The following TBC1D22A variants were observed in gnomAD, a reference collection of about 807,000 sequenced individuals.
TBC1D22A encodes putative GTPase activator.
A neutral mutation model predicts 60.2 loss-of-function variants in TBC1D22A; 38 were observed. That is an observed-to-expected ratio of 0.63 (90% CI 0.49 to 0.83). The LOEUF (loss-of-function observed/expected upper bound fraction) is 0.83. TBC1D22A is among the 40% of genes least tolerant of loss of function. The pLI, the probability that TBC1D22A is intolerant of heterozygous loss-of-function variation, is 0.00. For synonymous variants in TBC1D22A, 302 were observed against 281.7 expected (o/e 1.07, Z -0.72); for missense variants, 628 against 701.0 (o/e 0.90, Z 1.18).
At chr22:47,060,750 G>A (rs1048588190) in intron 11 of TBC1D22A, among the ~76,000 whole-genome samples, 3 of 152,176 alleles carry the variant, frequency 2.0e-5, no homozygotes, top group Admixed American at 6.5e-5. Flanking sequence ...TACATAGGAG[G>A]AAAATGCTGC....
At chr22:46,792,339 A>G (rs976150075) in intron 1 of TBC1D22A, among the ~76,000 whole-genome samples, 181 bp from the exon 2 acceptor site, 2 of 151,990 alleles carry the variant, frequency 1.3e-5, no homozygotes, top group Non-Finnish European at 2.9e-5. Context: ...GGTGCCACTC[A>G]TCCCTTCTGA....
At chr22:46,971,021 C>T (rs1014851356) in intron 8 of TBC1D22A, among the ~76,000 whole-genome samples, 1 of 152,188 alleles carries the variant, frequency 6.6e-6, no homozygotes, top group Non-Finnish European at 1.5e-5. Context: ...GTGGGGGATG[C>T]TTTCTCTGGC....
Position 47,074,181 on chromosome 22 carries a change from A to G in TBC1D22A, c.1329+36983A>G, listed in dbSNP as rs184240371. On this transcript the variant is annotated intron_variant, in intron 11 of 12. Transcript: ENST00000337137. ...TGACTCTTGTTTTTACTCCAAGGCA[A>G]TGAAGCAATGATGTGGACGATGCGT... Among the ~76,000 whole-genome samples, 5 of 152,360 alleles carry G rather than the reference A, an allele frequency of 3.3e-5. No individual in the cohort carries two copies. In the East Asian group the frequency reaches 9.6e-4, roughly 29 times the overall value.
At chr22:46,968,310 G>A (rs9615431) in intron 8 of TBC1D22A, among the ~76,000 whole-genome samples, 8,506 of 152,314 alleles carry the variant, frequency 0.056, 342 homozygotes, top group Non-Finnish European at 0.088. Flanking sequence ...GCCAGGCTCT[G>A]CCACTTCCTA....
At chr22:47,089,986 C>T (rs1276485031) in intron 11 of TBC1D22A, among the ~76,000 whole-genome samples, 1 of 152,180 alleles carries the variant, frequency 6.6e-6, no homozygotes, top group Non-Finnish European at 1.5e-5. Context: ...GGGATGTGAA[C>T]AGTCCGGAAC....
intron 4 of TBC1D22A, among the ~76,000 whole-genome samples, chr22:46,813,066 A>G (rs1468518504): frequency 6.6e-6 from 1 of 152,248 alleles, no homozygotes; most frequent in East Asian, 1.9e-4. Context: ...TTCTGTATGC[A>G]GGCCACTGCA....
At chr22:46,935,778 C>T (rs1023797126) in intron 8 of TBC1D22A, among the ~76,000 whole-genome samples, 2 of 152,028 alleles carry the variant, frequency 1.3e-5, no homozygotes, top group South Asian at 2.1e-4. Flanking sequence ...CTCCTGGGCC[C>T]TCCTCTGAAC....
rs183407178 is a variant in TBC1D22A at position 47,102,650 on chromosome 22, C to T, written c.1330-8858C>T. The stretch of plus-strand genomic sequence containing the variant: ...GATGCCGTAAAGCTCTGTTTTCCCC[C>T]AGTGCTGTGTTTCTGGGAAAGCATG... On this transcript the variant is annotated intron_variant, in intron 11 of 12. Transcript: ENST00000337137. Among the ~76,000 whole-genome samples the T allele has an allele frequency of 4.5e-3, 678 of 152,286 alleles. 7 individuals carry two copies. Among genetic ancestry groups the T allele is most frequent in the African/African-American group, 0.016 (651 of 41,554 alleles).
intron 12 of TBC1D22A, among the ~76,000 whole-genome samples, chr22:47,128,657 C>T (rs2066578034): frequency 6.6e-6 from 1 of 152,118 alleles, no homozygotes; most frequent in Admixed American, 6.5e-5. Flanking sequence ...ATTAAATCAT[C>T]CCTCTCTGTG....
At chr22:46,861,742 G>A (rs116846005) in intron 4 of TBC1D22A, among the ~76,000 whole-genome samples, 296 of 152,376 alleles carry the variant, frequency 1.9e-3, no homozygotes, top group Admixed American at 4.4e-3. Flanking sequence ...TATCCCGGCC[G>A]CACTGGGGCT....
At position 46,992,350 on chromosome 22, in the gene TBC1D22A, C is replaced by T. The variant is rs1261737513; in HGVS notation, c.1126-5284C>T. Among the ~76,000 whole-genome samples, 4 of 152,370 alleles carry T rather than the reference C, an allele frequency of 2.6e-5. No homozygotes were observed. In the East Asian group the frequency reaches 5.8e-4, roughly 22 times the overall value. Reference sequence around the variant, plus strand: ...GGGGAAGCACATTAGAGACTCAGCACCGAGGATGTTACTGGGGACTGGGCA... The same window carrying T: ...GGGGAAGCACATTAGAGACTCAGCATCGAGGATGTTACTGGGGACTGGGCA... On this transcript the variant is annotated intron_variant, in intron 9 of 12. Transcript: ENST00000337137.
chr22:47,171,002 C>G (rs2068426790), intron 12 of TBC1D22A, among the ~76,000 whole-genome samples: 1 of 152,216 alleles, frequency 6.6e-6, no homozygotes, highest in African/African-American at 2.4e-5. Flanking sequence ...GGGCAACATG[C>G]AGACGGCAGC....
chr22:46,996,355 C>G (rs1468030813), intron 9 of TBC1D22A, among the ~76,000 whole-genome samples: 1 of 152,248 alleles, frequency 6.6e-6, no homozygotes, highest in Non-Finnish European at 1.5e-5. Context: ...CCAGTGCTGG[C>G]CGGGCCAGAG....
intron 9 of TBC1D22A, among the ~76,000 whole-genome samples, chr22:46,981,234 T>TAA (rs2074500436): frequency 6.6e-6 from 1 of 150,396 alleles, no homozygotes; most frequent in Admixed American, 6.6e-5. Flanking sequence ...CACATGTACA[T>TAA]AAGTATGATG....
At chr22:47,019,364 A>G (rs967579478) in intron 10 of TBC1D22A, among the ~76,000 whole-genome samples, 2 of 152,228 alleles carry the variant, frequency 1.3e-5, no homozygotes, top group African/African-American at 2.4e-5. Context: ...GAGCTAGACA[A>G]GGTCCTTCTT....
intron 10 of TBC1D22A, among the ~76,000 whole-genome samples, chr22:46,999,763 CG>C (rs1360528566): frequency 4.6e-5 from 7 of 152,348 alleles, no homozygotes; most frequent in African/African-American, 1.7e-4. Context: ...CGGTGGCTCA[CG>C]CCTGTAATCC....
chr22:46,829,208 A>G (rs1194747068), intron 4 of TBC1D22A, among the ~76,000 whole-genome samples: 1 of 152,204 alleles, frequency 6.6e-6, no homozygotes, highest in African/African-American at 2.4e-5. Flanking sequence ...GCAGTAATCA[A>G]ACGCATTGTT....
At chr22:46,944,462 A>T (rs558741070) in intron 8 of TBC1D22A, among the ~76,000 whole-genome samples, 2 of 152,130 alleles carry the variant, frequency 1.3e-5, no homozygotes, top group East Asian at 1.9e-4. Context: ...GCAGTGGCGC[A>T]ATCTTGGCTC....
intron 12 of TBC1D22A, among the ~76,000 whole-genome samples, chr22:47,120,948 C>T (rs1011022308): frequency 2.6e-5 from 4 of 152,192 alleles, no homozygotes; most frequent in African/African-American, 7.2e-5. Context: ...TGGAAATATC[C>T]GTCTACCAGA....
Sources: gnomAD v4.1 joint callset for allele counts (sites outside exome capture counted in the v4.1 genomes callset) on GRCh38, gnomAD v4.1.1 for gene constraint, MANE v1.5 for transcripts, NCBI Gene and HGNC (gene_info 2026-07-23, HGNC 2026-07-21) for gene names.